Variants in MPRIP observed in about 807,000 individuals in gnomAD.
The protein encoded by MPRIP is myosin phosphatase Rho interacting protein.
Under a neutral mutation model 234.9 loss-of-function variants are expected in MPRIP, and 59 were observed. The ratio of observed to expected loss-of-function variants is 0.25; its 90% CI spans 0.20 to 0.31. MPRIP has a LOEUF of 0.31. Ranked by LOEUF, MPRIP falls within the 10% of genes least tolerant of loss-of-function variation. The pLI is 1.00. For synonymous variants in MPRIP, 1,144 were observed against 1,263.9 expected (o/e 0.91, Z 2.01); for missense variants, 2,436 against 3,071.0 (o/e 0.79, Z 4.89).
intron 19 of MPRIP, among the ~76,000 whole-genome samples, chr17:17,174,497 A>G (rs1396071658): frequency 6.6e-6 from 1 of 152,254 alleles, no homozygotes; most frequent in African/African-American, 2.4e-5. Flanking sequence ...TCTCAGGGTC[A>G]GGCTTACGGC....
chr17:17,099,570 T>A (rs1355581511), intron 3 of MPRIP, among the ~76,000 whole-genome samples: 1 of 151,964 alleles, frequency 6.6e-6, no homozygotes. Flanking sequence ...CTACAAAAAT[T>A]TTGAAAATTA....
At chr17:17,082,285 A>ATTTTTTTTTTTTTTTT (rs71355536) in intron 3 of MPRIP, among the ~76,000 whole-genome samples, 1 of 88,702 alleles carries the variant, frequency 1.1e-5, no homozygotes, top group African/African-American at 4.6e-5. Context: ...GCTTTTTCCA[A>ATTTTTTTTTTTTTTTT]TTTTTTTTTT....
chr17:17,059,038 G>A (rs2088792205), intron 1 of MPRIP, among the ~76,000 whole-genome samples: 1 of 152,098 alleles, frequency 6.6e-6, no homozygotes, highest in African/African-American at 2.4e-5. Context: ...ATGTCCATTG[G>A]TATTTCTTGT....
chr17:17,104,061 A>G (rs1200726300), intron 3 of MPRIP, among the ~76,000 whole-genome samples: 1 of 152,162 alleles, frequency 6.6e-6, no homozygotes, highest in South Asian at 2.1e-4. Context: ...GTAATGAATA[A>G]TGTCTGTTTG....
intron 3 of MPRIP, chr17:17,096,670 G>T: frequency 4.5e-6 from 2 of 444,122 alleles, no homozygotes; most frequent in Non-Finnish European, 9.4e-6. Context: ...CTGATACTCC[G>T]GCTGCCTTGA....
intron 1 of MPRIP, among the ~76,000 whole-genome samples, chr17:17,050,828 C>G (rs1016489807): frequency 1.3e-5 from 2 of 151,714 alleles, no homozygotes; most frequent in Admixed American, 1.3e-4. Context: ...TGTGGGGAGC[C>G]GGTGAGGGCC....
intron 13 of MPRIP, among the ~76,000 whole-genome samples, chr17:17,155,523 C>G (rs985429167): frequency 2.6e-5 from 4 of 152,226 alleles, no homozygotes; most frequent in South Asian, 2.1e-4. Flanking sequence ...AAATTGCAGG[C>G]ATGAGCCACC....
At chr17:17,075,215 T>C (rs2089299331) in intron 1 of MPRIP, among the ~76,000 whole-genome samples, 1 of 152,220 alleles carries the variant, frequency 6.6e-6, no homozygotes, top group Admixed American at 6.5e-5. Flanking sequence ...TCAAAGAGTT[T>C]CTGCACGCAG....
At chr17:17,113,477 T>C (rs1249347411) in intron 3 of MPRIP, among the ~76,000 whole-genome samples, 2 of 152,228 alleles carry the variant, frequency 1.3e-5, no homozygotes, top group Non-Finnish European at 2.9e-5. Context: ...CCAGAATTTC[T>C]TTCCTTTTTA....
intron 11 of MPRIP, among the ~76,000 whole-genome samples, chr17:17,148,741 C>T (rs537159763): frequency 5.3e-5 from 8 of 152,138 alleles, no homozygotes; most frequent in Non-Finnish European, 8.8e-5. Context: ...ACTTGAAAAA[C>T]AACTGATAGG....
chr17:17,134,143 C>T (rs1273776838), intron 5 of MPRIP, among the ~76,000 whole-genome samples: 1 of 152,258 alleles, frequency 6.6e-6, no homozygotes, highest in Non-Finnish European at 1.5e-5. Context: ...GGGATGTCTA[C>T]TGTCACCCCC....
At chr17:17,099,277 A>G (rs1463721842) in intron 3 of MPRIP, among the ~76,000 whole-genome samples, 1 of 152,068 alleles carries the variant, frequency 6.6e-6, no homozygotes, top group East Asian at 1.9e-4. Context: ...GCAGCCTTGT[A>G]GGGTCCAGCA....
chr17:17,119,242 A>T (rs946662464), intron 3 of MPRIP, among the ~76,000 whole-genome samples: 21 of 152,218 alleles, frequency 1.4e-4, no homozygotes, highest in Non-Finnish European at 2.2e-4. Context: ...AGCACAGCCC[A>T]CCAGCCCAAG....
intron 22 of MPRIP, chr17:17,179,448 CA>C (rs55651414): frequency 2.7e-3 from 195 of 73,022 alleles, no homozygotes; most frequent in South Asian, 7.6e-3. Flanking sequence ...GACTCCATCT[CA>C]AAAAAAAAAA....
intron 11 of MPRIP, among the ~76,000 whole-genome samples, chr17:17,149,505 A>C (rs1208005199): frequency 1.3e-5 from 2 of 151,250 alleles, no homozygotes; most frequent in African/African-American, 4.9e-5. Context: ...AAAAAAAAAA[A>C]ACTTCCGTAT....
chr17:17,150,110 A>G, intron 11 of MPRIP, 34 bp from the exon 12 acceptor site: 10 of 1,560,990 alleles, frequency 6.4e-6, no homozygotes, highest in Non-Finnish European at 8.8e-6. Context: ...TCTACTTCCT[A>G]AAAATCTCAA....
At chr17:17,099,992 A>G (rs953634873) in intron 3 of MPRIP, among the ~76,000 whole-genome samples, 4 of 152,234 alleles carry the variant, frequency 2.6e-5, no homozygotes, top group Admixed American at 2.0e-4. Context: ...CACTCGTGGC[A>G]GGCAAGGGGA....
chr17:17,179,922 A>G (rs2046337140), intron 22 of MPRIP, 81 bp from the exon 23 acceptor site: 3 of 1,154,580 alleles, frequency 2.6e-6, no homozygotes, highest in African/African-American at 3.1e-5. Context: ...AGCTTGGGAA[A>G]TGTTTCAGGA....
At chr17:17,149,454 C>T (rs2045549181) in intron 11 of MPRIP, among the ~76,000 whole-genome samples, 1 of 151,190 alleles carries the variant, frequency 6.6e-6, no homozygotes, top group South Asian at 2.1e-4. Context: ...AATCGTGTCA[C>T]TGCACTTCAG....
Sources: gnomAD v4.1 joint callset for allele counts (sites outside exome capture counted in the v4.1 genomes callset) on GRCh38, gnomAD v4.1.1 for gene constraint, MANE v1.5 for transcripts, NCBI Gene and HGNC (gene_info 2026-07-23, HGNC 2026-07-21) for gene names.